The following TJP2 variants were observed in gnomAD, a reference collection of about 807,000 sequenced individuals.
The protein encoded by TJP2 is Friedreich ataxia region gene X104 (tight junction protein ZO-2).
TJP2 carries 91 observed loss-of-function variants against 133.1 expected under a neutral mutation model. The observed-to-expected ratio is 0.68, with a 90% CI of 0.58 to 0.81. The LOEUF (loss-of-function observed/expected upper bound fraction) is 0.81, where lower values mean the gene tolerates loss of function less well. TJP2 is among the 40% of genes least tolerant of loss of function. The probability of loss-of-function intolerance (pLI) is 0.00; values close to 1 mark genes in which losing one functional copy is unlikely to be tolerated. For missense variants in TJP2, 1,541 were observed against 1,565.6 expected (o/e 0.98, Z 0.26); for synonymous variants, 592 against 583.4 (o/e 1.01, Z -0.21).
rs556257756 is a variant in TJP2 at position 69,240,153 on chromosome 9, T to G, written c.2566+6T>G. On this transcript the variant is annotated splice_donor_region_variant and intron_variant, in intron 17 of 22. Transcript: ENST00000377245. ...GTGTGCACACCTTTTTACAGGTAAGTGAAATGTAAATGTAGTCCCTTTGCT... is the reference window on the plus strand; with the variant it reads ...GTGTGCACACCTTTTTACAGGTAAGGGAAATGTAAATGTAGTCCCTTTGCT... 1 of 1,612,178 alleles carries G rather than the reference T, an allele frequency of 6.2e-7. No individual in the cohort carries two copies. Among genetic ancestry groups the G allele is most frequent in the African/African-American group, 1.3e-5 (1 of 74,996 alleles).
chr9:69,143,194 A>C (rs1289315047), intron 1 of TJP2, among the ~76,000 whole-genome samples: 1 of 152,254 alleles, frequency 6.6e-6, no homozygotes, highest in Non-Finnish European at 1.5e-5. Context: ...CATAGATAAG[A>C]ATCACTTTGT....
At position 69,125,380 on chromosome 9, in the gene TJP2, C is replaced by T. The variant is rs1234896709; in HGVS notation, c.-131+3655C>T. ...GGAGTGCACTGGTGCCATCTCAGCTCACTGCAACCTCTGCCTCCTGGGTTC... is the reference window on the plus strand; with the variant it reads ...GGAGTGCACTGGTGCCATCTCAGCTTACTGCAACCTCTGCCTCCTGGGTTC... On this transcript the variant is annotated intron_variant, in intron 1 of 5. Coordinates refer to the TJP2 transcript ENST00000423935. Among the ~76,000 whole-genome samples the T allele has an allele frequency of 4.9e-5, 3 of 61,586 alleles. 1 individual carries two copies. Among genetic ancestry groups the T allele is most frequent in the African/African-American group, 1.6e-4 (3 of 19,256 alleles). The allele number at this position is 61,586 out of a possible 152,430, so 40.4% of individuals were successfully genotyped here.
intron 2 of TJP2, among the ~76,000 whole-genome samples, chr9:69,212,903 T>G (rs1337121855): frequency 2.0e-5 from 1 of 48,816 alleles, no homozygotes; most frequent in Admixed American, 3.3e-4. Flanking sequence ...TGACCTGTAC[T>G]GTTTAAGGAT....
In TJP2 at chr9:69,130,093, G is replaced by A. The variant is rs181115876; in HGVS notation, c.-131+8368G>A. Among the ~76,000 whole-genome samples, 227 of 151,760 alleles carry A rather than the reference G, an allele frequency of 1.5e-3. 1 individual carries two copies. Among genetic ancestry groups the A allele is most frequent in the African/African-American group, 5.0e-3 (206 of 41,406 alleles). ...AGTAGATTAATAAGACATTTTTCAC[G>A]AGTCAGTGCATTTTTGTTCCTTGTT... On this transcript the variant is annotated intron_variant, in intron 1 of 5. Coordinates refer to the TJP2 transcript ENST00000423935.
intron 22 of TJP2, chr9:69,253,302 T>C: frequency 3.9e-6 from 1 of 253,336 alleles, no homozygotes; most frequent in South Asian, 5.6e-5. Flanking sequence ...TGTGCTGCCC[T>C]GGGGTCTAAA....
chr9:69,240,648 A>T (rs1830517661), intron 17 of TJP2, among the ~76,000 whole-genome samples: 1 of 152,204 alleles, frequency 6.6e-6, no homozygotes, highest in African/African-American at 2.4e-5. Flanking sequence ...CCTGAGCAAC[A>T]TGGTGAGATC....
chr9:69,242,291 G>T (rs1830629766), intron 17 of TJP2, among the ~76,000 whole-genome samples: 1 of 152,192 alleles, frequency 6.6e-6, no homozygotes, highest in South Asian at 2.1e-4. Context: ...ACCTCTGTTA[G>T]CTCCATAGAT....
intron 1 of TJP2, among the ~76,000 whole-genome samples, chr9:69,208,868 A>G (rs1305039432): frequency 1.3e-5 from 2 of 152,282 alleles, no homozygotes; most frequent in Admixed American, 1.3e-4. Context: ...TCCAAAGAAG[A>G]GTTGGCAAAT....
chr9:69,132,646 A>T (rs1346177030), intron 1 of TJP2, among the ~76,000 whole-genome samples: 1 of 152,206 alleles, frequency 6.6e-6, no homozygotes, highest in Non-Finnish European at 1.5e-5. Flanking sequence ...ATCAATGCCT[A>T]TGCCCTTTGA....
chr9:69,132,055 C>CACATGATG (rs1032379337), intron 1 of TJP2, among the ~76,000 whole-genome samples: 2 of 152,226 alleles, frequency 1.3e-5, no homozygotes, highest in Non-Finnish European at 2.9e-5. Flanking sequence ...AGTAGAGTTA[C>CACATGATG]ACATGATGTG....
chr9:69,155,407 C>T (rs994981620), intron 2 of TJP2, among the ~76,000 whole-genome samples: 1 of 152,242 alleles, frequency 6.6e-6, no homozygotes, highest in African/African-American at 2.4e-5. Context: ...AACTTCCATA[C>T]TGGGATGGAC....
intron 1 of TJP2, among the ~76,000 whole-genome samples, chr9:69,199,535 TACAC>T (rs113343932): frequency 6.6e-6 from 1 of 151,204 alleles, no homozygotes; most frequent in Non-Finnish European, 1.5e-5. Flanking sequence ...GTCTCAGACA[TACAC>T]ACACACACAC....
At chr9:69,204,490 G>C (rs1028399525) in intron 1 of TJP2, among the ~76,000 whole-genome samples, 7 of 152,152 alleles carry the variant, frequency 4.6e-5, no homozygotes, top group African/African-American at 1.7e-4. Context: ...AAGTGGTAAA[G>C]ACAAAGAACA....
intron 1 of TJP2, among the ~76,000 whole-genome samples, chr9:69,149,404 T>G (rs1387984161): frequency 6.6e-6 from 1 of 152,236 alleles, no homozygotes; most frequent in African/African-American, 2.4e-5. Context: ...TGGGCTGGGC[T>G]TTAATCCCGT....
chr9:69,188,487 A>G (rs1457664767), intron 1 of TJP2, among the ~76,000 whole-genome samples: 3 of 152,188 alleles, frequency 2.0e-5, no homozygotes, highest in Non-Finnish European at 2.9e-5. Flanking sequence ...TTAGAATCAC[A>G]GTGGCAAGAA....
chr9:69,252,528 A>ATTTGTCTT (rs1388305023), intron 21 of TJP2, among the ~76,000 whole-genome samples: 1 of 152,054 alleles, frequency 6.6e-6, no homozygotes, highest in Non-Finnish European at 1.5e-5. Context: ...ATCATACACT[A>ATTTGTCTT]TTTGTCTTTT....
Position 69,207,286 on chromosome 9 carries a change from G to A in TJP2, c.61-5262G>A, listed in dbSNP as rs574284085. Among the ~76,000 whole-genome samples, 88 of 152,210 alleles carry A rather than the reference G, an allele frequency of 5.8e-4. No individual in the cohort carries two copies. The South Asian group carries it at 0.012, about 21-fold the overall frequency. On this transcript the variant is annotated intron_variant, in intron 1 of 22. Transcript: ENST00000377245. ...GTTGTTGTAAAACATTGTTTTTTGA[G>A]CTATATAAAAATGGTATCACACTCT... is the stretch of plus-strand genomic sequence containing the variant.
intron 18 of TJP2, among the ~76,000 whole-genome samples, chr9:69,247,312 G>A (rs905910254): frequency 2.0e-5 from 3 of 152,218 alleles, no homozygotes; most frequent in African/African-American, 4.8e-5. Flanking sequence ...CTTCTCCCTC[G>A]GGGAGATAGC....
At chr9:69,178,005 T>TTGTGC (rs1825222066) in intron 1 of TJP2, among the ~76,000 whole-genome samples, 2 of 152,084 alleles carry the variant, frequency 1.3e-5, no homozygotes, top group Admixed American at 1.3e-4. Context: ...GGGCAATGGC[T>TTGTGC]ACCCATAACA....
Sources: allele counts gnomAD v4.1 joint callset (sites outside exome capture counted in the v4.1 genomes callset), GRCh38; gene constraint gnomAD v4.1.1; transcripts MANE v1.5; gene names NCBI Gene and HGNC (gene_info 2026-07-23, HGNC 2026-07-21).